The following STK3 variants were observed in gnomAD, a reference collection of about 807,000 sequenced individuals.
STK3 encodes serine/threonine kinase 3.
Under a neutral mutation model 58.0 loss-of-function variants are expected in STK3, and 41 were observed. The observed-to-expected ratio is 0.71, with a 90% CI of 0.55 to 0.92. The LOEUF is 0.92. Among genes scored for constraint, STK3 ranks in the 40% least tolerant of loss-of-function variants. STK3 has a pLI of 0.00. For synonymous variants in STK3, 170 were observed against 191.0 expected, an observed-to-expected ratio of 0.89 and a Z score of 0.91; for missense variants, 479 against 602.7, an observed-to-expected ratio of 0.79 and a Z score of 2.15.
chr8:98,866,999 A>C (rs1293217839), intron 3 of STK3, among the ~76,000 whole-genome samples: 1 of 152,050 alleles, frequency 6.6e-6, no homozygotes, highest in Non-Finnish European at 1.5e-5. Flanking sequence ...ACAGGAGGGG[A>C]GGGAGGGGAA....
At chr8:98,644,043 A>G (rs1417354040) in intron 6 of STK3, among the ~76,000 whole-genome samples, 1 of 152,192 alleles carries the variant, frequency 6.6e-6, no homozygotes, top group Non-Finnish European at 1.5e-5. Context: ...CACAATAATA[A>G]TAATACTAAA....
rs778049177 is a variant in STK3, at chr8:98,562,737, G to GAAAAAAAAAAA, written c.949-14587_949-14577dup. Among the ~76,000 whole-genome samples the GAAAAAAAAAAA allele has an allele frequency of 2.3e-4, 4 of 17,406 alleles. 1 individual carries two copies. Among genetic ancestry groups the GAAAAAAAAAAA allele is most frequent in the African/African-American group, 5.8e-4 (2 of 3,430 alleles). The allele number at this position is 17,406 out of a possible 152,430, so 11.4% of individuals were successfully genotyped here. A position where few individuals can be genotyped will look rare whatever the true frequency, so the allele number is the denominator to read the frequency against. On this transcript the variant is annotated intron_variant, in intron 8 of 10. Coordinates refer to ENST00000419617, the MANE Select transcript of STK3 (RefSeq NM_006281.4). ...TAAGACTCCCATCTCCACAAAAAAT[G>GAAAAAAAAAAA]AAAAAAAAAAAAAAAAAAAAAAAAA... is the stretch of plus-strand genomic sequence containing the variant.
At chr8:98,902,690 A>G (rs1056618479) in intron 1 of STK3, among the ~76,000 whole-genome samples, 5 of 152,230 alleles carry the variant, frequency 3.3e-5, no homozygotes, top group African/African-American at 1.2e-4. Flanking sequence ...GGGATCATTT[A>G]AAAACATAGT....
chr8:98,407,951 C>T (rs930913045), intron 3 of STK3, among the ~76,000 whole-genome samples: 1 of 152,188 alleles, frequency 6.6e-6, no homozygotes, highest in Non-Finnish European at 1.5e-5. Flanking sequence ...GTGCTGGCAC[C>T]TGCATATCCA....
At chr8:98,595,773 A>T (rs1181487414) in intron 7 of STK3, 2 of 328,402 alleles carry the variant, frequency 6.1e-6, no homozygotes, top group African/African-American at 4.2e-5. Flanking sequence ...ACAGAAGAAA[A>T]AAAAAACATG....
chr8:98,557,213 C>T (rs1050653286), intron 8 of STK3, among the ~76,000 whole-genome samples: 2 of 152,048 alleles, frequency 1.3e-5, no homozygotes, highest in Non-Finnish European at 2.9e-5. Flanking sequence ...TTGATGCTAA[C>T]ATGTTAACCT....
At chr8:98,837,853 G>C (rs377129231) in intron 3 of STK3, among the ~76,000 whole-genome samples, 243 of 152,194 alleles carry the variant, frequency 1.6e-3, no homozygotes, top group African/African-American at 5.6e-3. Context: ...GATCACTTGA[G>C]CCCAGGAGTT....
chr8:98,912,314 G>T (rs1839170370), intron 1 of STK3, among the ~76,000 whole-genome samples: 1 of 152,042 alleles, frequency 6.6e-6, no homozygotes. Context: ...GGAGGAGGAG[G>T]TGGCAGTGAG....
At chr8:98,381,678 T>C (rs927832397) in intron 1 of STK3, among the ~76,000 whole-genome samples, 3 of 152,214 alleles carry the variant, frequency 2.0e-5, no homozygotes, top group African/African-American at 2.4e-5. Flanking sequence ...AGGTAGGTGT[T>C]ACTGTCCCCA....
chr8:98,530,407 G>A (rs62535373), intron 9 of STK3, among the ~76,000 whole-genome samples: 25 of 152,202 alleles, frequency 1.6e-4, no homozygotes, highest in Non-Finnish European at 3.1e-4. Flanking sequence ...GAGAACATGC[G>A]GTATTTGGTT....
chr8:98,884,972 A>T (rs568877816), intron 1 of STK3, among the ~76,000 whole-genome samples: 1 of 152,394 alleles, frequency 6.6e-6, no homozygotes, highest in East Asian at 1.9e-4. Flanking sequence ...ACACTGCAAT[A>T]CCATCTTCCA....
intron 6 of STK3, among the ~76,000 whole-genome samples, chr8:98,602,957 T>C (rs1233818943): frequency 1.1e-4 from 16 of 151,090 alleles, no homozygotes; most frequent in Admixed American, 1.1e-3. Flanking sequence ...GGAGCACACC[T>C]GGTACCAAGA....
chr8:98,910,441 T>C (rs769013821), intron 1 of STK3, among the ~76,000 whole-genome samples: 1 of 152,196 alleles, frequency 6.6e-6, no homozygotes, highest in Non-Finnish European at 1.5e-5. Context: ...GCTGAAGTTT[T>C]TTTCAAACTA....
At chr8:98,478,021 A>G (rs1336154972) in intron 10 of STK3, among the ~76,000 whole-genome samples, 1 of 152,108 alleles carries the variant, frequency 6.6e-6, no homozygotes, top group Non-Finnish European at 1.5e-5. Context: ...TAGGAAGAAA[A>G]TTAAACAGAG....
intron 2 of STK3, among the ~76,000 whole-genome samples, chr8:98,372,685 T>C (rs1339084488): frequency 6.6e-6 from 1 of 152,200 alleles, no homozygotes; most frequent in Non-Finnish European, 1.5e-5. Flanking sequence ...GTCCAGAACA[T>C]TGGCTCCGCT....
chr8:98,802,707 T>C (rs1299107876), intron 1 of STK3, among the ~76,000 whole-genome samples: 1 of 152,148 alleles, frequency 6.6e-6, no homozygotes, highest in Non-Finnish European at 1.5e-5. Context: ...AAATTAAATG[T>C]CCAAACATAA....
chr8:98,461,306 C>A (rs1431407907), intron 10 of STK3, among the ~76,000 whole-genome samples: 2 of 152,052 alleles, frequency 1.3e-5, no homozygotes, highest in Non-Finnish European at 2.9e-5. Context: ...AGAATAGCTA[C>A]CCCTGCTCAC....
At chr8:98,798,033 A>G (rs985724703) in intron 1 of STK3, among the ~76,000 whole-genome samples, 5 of 152,216 alleles carry the variant, frequency 3.3e-5, no homozygotes, top group Admixed American at 1.3e-4. Flanking sequence ...AAAATTGACA[A>G]TTGTGCCTTA....
At chr8:98,602,870 A>G (rs911206324) in intron 6 of STK3, among the ~76,000 whole-genome samples, 1 of 101,164 alleles carries the variant, frequency 9.9e-6, no homozygotes, top group African/African-American at 5.7e-5. Context: ...ATTCCCTCCA[A>G]ATAACTAAAA....
Sources: allele counts gnomAD v4.1 joint callset (sites outside exome capture counted in the v4.1 genomes callset), GRCh38; gene constraint gnomAD v4.1.1; transcripts MANE v1.5; gene names NCBI Gene and HGNC (gene_info 2026-07-23, HGNC 2026-07-21).